Variants in TOP2B observed in about 807,000 individuals in gnomAD.
TOP2B encodes DNA topoisomerase II beta.
TOP2B carries 51 observed loss-of-function variants against 193.5 expected under a neutral mutation model. That is an observed-to-expected ratio of 0.26 (90% CI 0.21 to 0.33). The LOEUF (loss-of-function observed/expected upper bound fraction) is 0.33. TOP2B is among the 10% of genes least tolerant of loss of function. The probability of loss-of-function intolerance (pLI) is 1.00; values close to 1 mark genes in which losing one functional copy is unlikely to be tolerated. For synonymous variants in TOP2B, 634 were observed against 635.7 expected (o/e 1.00, Z 0.04); for missense variants, 1,378 against 1,909.3 (o/e 0.72, Z 5.19).
chr3:25,648,850 A>G (rs1703492237), intron 1 of TOP2B, among the ~76,000 whole-genome samples: 1 of 152,228 alleles, frequency 6.6e-6, no homozygotes. Flanking sequence ...TGACAGAGCA[A>G]GAGCCTGTCT....
intron 1 of TOP2B, among the ~76,000 whole-genome samples, chr3:25,646,965 T>C (rs1703431806): frequency 6.6e-6 from 1 of 152,184 alleles, no homozygotes; most frequent in Admixed American, 6.5e-5. Context: ...TTTTAAACTA[T>C]ATTCTTATAC....
Position 25,619,847 on chromosome 3 carries a change from A to T in TOP2B, c.3063+15T>A, listed in dbSNP as rs1318652641. 6.4e-7 allele frequency: 1 copy of T among 1,550,568 alleles called. No individual in the cohort carries two copies. The highest frequency in any genetic ancestry group is 2.2e-5 in the East Asian group (1 of 44,446). ...TGCAAGAAAGATTAAATTAACAGTA[A>T]ATCTAATAAATTACCATGGAATTAC... On this transcript the variant is annotated intron_variant, in intron 23 of 35. Coordinates refer to ENST00000264331, the MANE Select transcript of TOP2B (RefSeq NM_001330700.2).
chr3:25,607,473 T>A, intron 30 of TOP2B, 98 bp from the exon 31 acceptor site: 3 of 1,357,044 alleles, frequency 2.2e-6, no homozygotes, highest in Non-Finnish European at 2.0e-6. Context: ...ATTCCAACCA[T>A]CTCTAAAAAT....
intron 12 of TOP2B, 31 bp from the exon 13 acceptor site, chr3:25,630,185 T>C (rs1702916338): frequency 6.5e-7 from 1 of 1,530,716 alleles, no homozygotes; most frequent in African/African-American, 1.4e-5. Context: ...CTGAGAGTAG[T>C]TTGAAGTGTT....
intron 5 of TOP2B, 72 bp from the exon 6 acceptor site, chr3:25,637,384 A>G: frequency 9.1e-7 from 1 of 1,102,852 alleles, no homozygotes; most frequent in Non-Finnish European, 1.3e-6. Context: ...TTACCACCAT[A>G]CGGCAAGGCT....
intron 28 of TOP2B, among the ~76,000 whole-genome samples, chr3:25,611,653 G>A (rs1203619282): frequency 6.6e-6 from 1 of 151,780 alleles, no homozygotes; most frequent in African/African-American, 2.4e-5. Context: ...GGCTAACTCT[G>A]GTCAATCCTG....
chr3:25,664,255 C>T lies in TOP2B; in HGVS notation c.43G>A (p.Gly15Ser). Residue 15 changes from glycine to serine, a missense_variant, in exon 1 of 36, where the codon GGC becomes AGC. By Grantham distance (56) the Gly-to-Ser change is moderately conservative. Around this residue, in one of 9 missense-constraint regions of TOP2B, gnomAD observed 83 missense variants for 59.3 expected, o/e 1.40. Coordinates refer to ENST00000264331, the MANE Select transcript of TOP2B (RefSeq NM_001330700.2). ...GGCGAGAGVGGGNGALTWVTL... is the reference protein window; with the variant it reads ...GGCGAGAGVGSGNGALTWVTL... ...ACCCAGGTCAGTGCCCCGTTGCCGC[C>T]GCCCACGCCGGCTCCCGCGCCGCAG... The T allele has an allele frequency of 6.5e-7, 1 of 1,537,684 alleles. No homozygotes were observed. Among genetic ancestry groups the T allele is most frequent in the Middle Eastern group, 1.9e-4 (1 of 5,352 alleles).
rs1235525179 is a variant in TOP2B at position 25,664,279 on chromosome 3, A to G, written c.19T>C (p.Cys7Arg). The change falls in exon 1 of 36, where the codon TGC (cysteine) becomes CGC (arginine). Residue 7 changes from cysteine (C) to arginine (R), a missense_variant. Coordinates refer to ENST00000264331, the MANE Select transcript of TOP2B (RefSeq NM_001330700.2). The part of the protein sequence containing the change: MAKSGG[C>R]GAGAGVGGGN... ...CCGCCCACGCCGGCTCCCGCGCCGC[A>G]GCCACCCGACTTGGCCATGGCGAGT... is the stretch of plus-strand genomic sequence containing the variant. 6.5e-7 allele frequency: 1 copy of G among 1,534,378 alleles called. No individual in the cohort carries two copies. Among genetic ancestry groups the G allele is most frequent in the Admixed American group, 2.0e-5 (1 of 50,836 alleles).
chr3:25,618,118 C>T, intron 25 of TOP2B: 1 of 312,864 alleles, frequency 3.2e-6, no homozygotes, highest in Non-Finnish European at 5.9e-6. Flanking sequence ...ACCACCACCA[C>T]AACACCTTTT....
At chr3:25,602,117 C>T (rs1224036964) in intron 33 of TOP2B, among the ~76,000 whole-genome samples, 1 of 152,104 alleles carries the variant, frequency 6.6e-6, no homozygotes, top group African/African-American at 2.4e-5. Context: ...TAAATAAGGC[C>T]AGTTGCAGTG....
intron 5 of TOP2B, among the ~76,000 whole-genome samples, 187 bp from the exon 6 acceptor site, chr3:25,637,499 A>G (rs1218198715): frequency 2.0e-5 from 3 of 152,058 alleles, no homozygotes; most frequent in Non-Finnish European, 4.4e-5. Context: ...AAGATTTAGT[A>G]TATATAGTAG....
Position 25,639,552 on chromosome 3 carries a change from C to T in TOP2B, c.396-1242G>A, listed in dbSNP as rs547450319. Among the ~76,000 whole-genome samples the T allele has an allele frequency of 5.3e-5, 8 of 152,328 alleles. No homozygotes were observed. In the East Asian group the frequency reaches 5.8e-4, roughly 11 times the overall value. On this transcript the variant is annotated intron_variant, in intron 4 of 35. Coordinates refer to ENST00000264331, the MANE Select transcript of TOP2B (RefSeq NM_001330700.2). ...CGAACTCCTGACCTCATAATCCACC[C>T]GCCTTGGCCTCCCAAAGTGCTGGGA...
intron 1 of TOP2B, among the ~76,000 whole-genome samples, chr3:25,646,299 T>A (rs1703413931): frequency 6.6e-6 from 1 of 152,170 alleles, no homozygotes; most frequent in Non-Finnish European, 1.5e-5. Context: ...GCTTATAAAA[T>A]CCTCAAATTT....
At position 25,615,194 on chromosome 3, in the gene TOP2B, A is replaced by C. The variant is rs1172645646; in HGVS notation, c.3591+11T>G. On this transcript the variant is annotated intron_variant, in intron 27 of 35. Coordinates refer to ENST00000264331, the MANE Select transcript of TOP2B (RefSeq NM_001330700.2). ...CTTTTCCAAATAAATTTTAATAGAG[A>C]CTTAACCTACATCCAGTTCTTCAAC... 6.2e-7 allele frequency: 1 copy of C among 1,602,404 alleles called. No individual in the cohort carries two copies. Among genetic ancestry groups the C allele is most frequent in the Non-Finnish European group, 8.5e-7 (1 of 1,174,206 alleles).
chr3:25,639,672 A>G (rs1424701916), intron 4 of TOP2B, among the ~76,000 whole-genome samples: 5 of 152,232 alleles, frequency 3.3e-5, no homozygotes, highest in Admixed American at 3.3e-4. Context: ...ATGTTGTATT[A>G]TTTAATAAGT....
chr3:25,612,677 C>T lies in TOP2B; in HGVS notation c.3624G>A (p.Leu1208=). 2 of 1,613,520 alleles carry T rather than the reference C, an allele frequency of 1.2e-6. No homozygotes were observed. The highest frequency in any genetic ancestry group is 8.5e-7 in the Non-Finnish European group (1 of 1,179,636). Residue 1208 remains leucine, a synonymous_variant, in exon 28 of 36, where the codon CTG becomes CTA. Coordinates refer to ENST00000264331, the MANE Select transcript of TOP2B (RefSeq NM_001330700.2). The part of the protein sequence containing the change: ...KVESQEREDV[L]AGMSGKAIKG... ...TAATTGCTTTTCCAGACATTCCAGC[C>T]AGAACATCTTCTCGTTCTTGAGATT... is the stretch of plus-strand genomic sequence containing the variant.
intron 1 of TOP2B, among the ~76,000 whole-genome samples, chr3:25,662,589 T>G (rs1241012224): frequency 1.3e-5 from 2 of 152,236 alleles, no homozygotes; most frequent in East Asian, 3.8e-4. Flanking sequence ...TCAAATGGAT[T>G]TTTCTATCTT....
rs1445197376 is a variant in TOP2B, at chr3:25,601,112, T to C, written c.4603A>G (p.Thr1535Ala). Residue 1535 changes from threonine (T) to alanine (A), a missense_variant, in exon 34 of 36, where the codon ACA becomes GCA. Around this residue, in one of 9 missense-constraint regions of TOP2B, gnomAD observed 556 missense variants for 584.2 expected, o/e 0.95. Transcript: ENST00000264331. The part of the protein sequence containing the change: ...DSEFGIPKKT[T>A]TPKGKGRGAK... The stretch of plus-strand genomic sequence containing the variant: ...AGATAATCCTCACCTTTTGGTGTTG[T>C]AGTCTTCTTTGGAATGCCAAATTCT... 1.9e-6 allele frequency: 3 copies of C among 1,613,698 alleles called. No homozygotes were observed. Among genetic ancestry groups the C allele is most frequent in the East Asian group, 2.2e-5 (1 of 44,864 alleles).
rs1702582567 is a variant in TOP2B, at chr3:25,618,862, C to T, written c.3064-13G>A. On this transcript the variant is annotated splice_polypyrimidine_tract_variant and intron_variant, in intron 23 of 35. Coordinates refer to ENST00000264331, the MANE Select transcript of TOP2B (RefSeq NM_001330700.2). ...GATCAAAAAGTACCTAAGCAAAACA[C>T]ATATACTTTGCAGATCATATAGATC... The T allele has an allele frequency of 1.3e-6, 2 of 1,578,828 alleles. No homozygotes were observed. The highest frequency in any genetic ancestry group is 1.3e-5 in the African/African-American group (1 of 74,226).
Sources: gnomAD v4.1 joint callset for allele counts (sites outside exome capture counted in the v4.1 genomes callset) on GRCh38, gnomAD v4.1.1 for gene constraint, gnomAD v4.1.1 regional missense constraint, MANE v1.5 for transcripts, NCBI Gene and HGNC (gene_info 2026-07-23, HGNC 2026-07-21) for gene names.